The following SKI variants were observed in gnomAD, a reference collection of about 807,000 sequenced individuals.
SKI encodes ski oncogene.
In SKI, 23 loss-of-function variants were observed where a neutral mutation model predicts 59.3. The observed-to-expected ratio is 0.39, with a 90% confidence interval of 0.28 to 0.55. The LOEUF is 0.55. Ranked by LOEUF, SKI falls within the 20% of genes least tolerant of loss-of-function variation. The pLI is 0.67. For synonymous variants in SKI, 673 were observed against 488.6 expected, an observed-to-expected ratio of 1.38 and a Z score of -4.98; for missense variants, 1,017 against 1,038.9, an observed-to-expected ratio of 0.98 and a Z score of 0.29.
intron 1 of SKI, among the ~76,000 whole-genome samples, chr1:2,230,093 G>A (rs1210615635): frequency 2.0e-5 from 3 of 152,216 alleles, no homozygotes; most frequent in African/African-American, 7.2e-5. Flanking sequence ...AGGGAAGTTA[G>A]GTCCAGCTGG....
At chr1:2,305,477 T>C (rs1274871586) in intron 5 of SKI, among the ~76,000 whole-genome samples, 2 of 152,160 alleles carry the variant, frequency 1.3e-5, no homozygotes, top group Non-Finnish European at 2.9e-5. Flanking sequence ...CCCCCGCCAC[T>C]GTTGTCCTTG....
chr1:2,296,925 G>A (rs1480340435), intron 1 of SKI, among the ~76,000 whole-genome samples: 2 of 152,170 alleles, frequency 1.3e-5, no homozygotes, highest in African/African-American at 2.4e-5. Context: ...CACAGAAACA[G>A]TCTTTGCAGC....
chr1:2,280,111 G>A, intron 1 of SKI, among the ~76,000 whole-genome samples: 1 of 151,996 alleles, frequency 6.6e-6, no homozygotes, highest in South Asian at 2.1e-4. Context: ...GCTCATGCCT[G>A]TAATCCCAGC....
intron 1 of SKI, among the ~76,000 whole-genome samples, chr1:2,297,315 G>A (rs777960748): frequency 6.6e-6 from 1 of 152,182 alleles, no homozygotes; most frequent in Non-Finnish European, 1.5e-5. Flanking sequence ...AATAGCAGAC[G>A]GGTTTTCAGC....
chr1:2,305,516 T>TAC (rs1247292722), intron 5 of SKI, among the ~76,000 whole-genome samples: 1 of 152,194 alleles, frequency 6.6e-6, no homozygotes, highest in Non-Finnish European at 1.5e-5. Flanking sequence ...ATTTCCCACA[T>TAC]ACATATTCAT....
At position 2,302,259 on chromosome 1, in the gene SKI, T is replaced by C. The variant is rs116896636; in HGVS notation, c.970-719T>C. ...TCTGGGTGGGCTGGGTCTGGGCACC[T>C]TCGCTAAGCTTCCTCCAGCACCGGG... On this transcript the variant is annotated intron_variant, in intron 1 of 6. Coordinates refer to ENST00000378536, the MANE Select transcript of SKI (RefSeq NM_003036.4). Among the ~76,000 whole-genome samples, 83 of 152,268 alleles carry C rather than the reference T, an allele frequency of 5.5e-4. 1 individual carries two copies. In the East Asian group the frequency reaches 0.016, roughly 29 times the overall value.
intron 1 of SKI, among the ~76,000 whole-genome samples, chr1:2,282,646 G>A (rs748812009): frequency 1.4e-4 from 22 of 152,174 alleles, no homozygotes; most frequent in South Asian, 1.0e-3. Context: ...CCCCAAGCCC[G>A]CTGGCTCCCA....
At position 2,306,832 on chromosome 1, in the gene SKI, G is replaced by T. The variant is rs528789588; in HGVS notation, c.*67G>T. On this transcript the variant is annotated 3_prime_UTR_variant, in exon 7 of 7. Transcript: ENST00000378536. The stretch of plus-strand genomic sequence containing the variant: ...CAGGGGGGCGCGGCTGGGCGGTGCA[G>T]CTCCGCCCGGCTCCGCCCCTGCAGC... 5.8e-6 allele frequency: 6 copies of T among 1,029,274 alleles called. No individual in the cohort carries two copies. The East Asian group carries it at 2.5e-4, about 43-fold the overall frequency. The allele number at this position is 1,029,274 out of a possible 1,614,324, so 63.8% of individuals were successfully genotyped here.
rs1254990952 is a variant in SKI, at chr1:2,228,788, C to G, written c.22C>G (p.Arg8Gly). Reference protein sequence around the residue: MEAAAGGRGCFQPHPGLQ... With the variant: MEAAAGGGGCFQPHPGLQ... ...CACCATGGAGGCGGCGGCAGGCGGCCGCGGCTGTTTCCAGCCGCACCCGGG... is the reference window on the plus strand; with the variant it reads ...CACCATGGAGGCGGCGGCAGGCGGCGGCGGCTGTTTCCAGCCGCACCCGGG... Residue 8 changes from arginine (R) to glycine (G), a missense_variant, in exon 1 of 7, where the codon CGC (arginine) becomes GGC (glycine). Arg to Gly is a moderately radical substitution (Grantham distance 125). Transcript: ENST00000378536. 7.6e-7 allele frequency: 1 copy of G among 1,311,524 alleles called. No individual in the cohort carries two copies. The highest frequency in any genetic ancestry group is 9.8e-7 in the Non-Finnish European group (1 of 1,016,950). The allele number at this position is 1,311,524 out of a possible 1,614,324, so 81.2% of individuals were successfully genotyped here. A position where few individuals can be genotyped will look rare whatever the true frequency, so the allele number is the denominator to read the frequency against.
chr1:2,269,579 G>C lies in SKI; in HGVS notation c.970-33399G>C, dbSNP rs1049561792. Among the ~76,000 whole-genome samples, 8 of 152,264 alleles carry C rather than the reference G, an allele frequency of 5.3e-5. No individual in the cohort carries two copies. Among genetic ancestry groups the C allele is most frequent in the African/African-American group, 1.9e-4 (8 of 41,476 alleles). On this transcript the variant is annotated intron_variant, in intron 1 of 6. Transcript: ENST00000378536. The surrounding 1 kb of genome is among the most constrained non-coding windows in gnomAD (Gnocchi z 4.7). ...ATCAGGTGTGGTGAGGAGCTTTGCT[G>C]CCCTGGAGCGTCGCTTTGTGGGCAG... is the stretch of plus-strand genomic sequence containing the variant.
chr1:2,263,572 TG>T (rs1639432757), intron 1 of SKI, among the ~76,000 whole-genome samples: 1 of 151,798 alleles, frequency 6.6e-6, no homozygotes, highest in Non-Finnish European at 1.5e-5. Context: ...GGGATGTTGG[TG>T]TGTGTTTTTT....
intron 1 of SKI, among the ~76,000 whole-genome samples, chr1:2,290,903 G>A (rs1371799419): frequency 6.6e-6 from 1 of 152,256 alleles, no homozygotes; most frequent in Non-Finnish European, 1.5e-5. Flanking sequence ...CCGCTTCTGT[G>A]TTCCGCATTT....
rs562155284 is a variant in SKI, at chr1:2,251,602, C to T, written c.969+21867C>T. Among the ~76,000 whole-genome samples the T allele has an allele frequency of 1.4e-4, 22 of 152,230 alleles. No individual in the cohort carries two copies. The South Asian group carries it at 4.6e-3, about 32-fold the overall frequency. The stretch of plus-strand genomic sequence containing the variant: ...GCCGCCCTCCTTTCCCTGTAGAGCC[C>T]TCGCCTGTGTAACGGTTACTGCCTC... On this transcript the variant is annotated intron_variant, in intron 1 of 6. Transcript: ENST00000378536.
intron 1 of SKI, among the ~76,000 whole-genome samples, chr1:2,255,447 C>T (rs925607508): frequency 2.0e-5 from 3 of 152,164 alleles, no homozygotes; most frequent in African/African-American, 7.2e-5. Context: ...GTCTGGAGCA[C>T]ACTGTCCTGA....
intron 1 of SKI, among the ~76,000 whole-genome samples, chr1:2,231,000 T>C (rs1003668870): frequency 2.6e-5 from 4 of 152,232 alleles, no homozygotes; most frequent in Admixed American, 1.3e-4. Flanking sequence ...TGTGCGCGCT[T>C]CTGACCCTGC....
intron 1 of SKI, among the ~76,000 whole-genome samples, chr1:2,238,374 A>G (rs1638796211): frequency 6.6e-6 from 1 of 152,194 alleles, no homozygotes; most frequent in African/African-American, 2.4e-5. Flanking sequence ...GCTTCCCTGG[A>G]AGGTCGGCGG....
chr1:2,242,084 G>A (rs1053683652), intron 1 of SKI, among the ~76,000 whole-genome samples: 6 of 152,242 alleles, frequency 3.9e-5, no homozygotes, highest in Non-Finnish European at 8.8e-5. Context: ...AGCAGGCCAG[G>A]AGAGAGCGGA....
intron 1 of SKI, among the ~76,000 whole-genome samples, chr1:2,285,375 C>T (rs1045479198): frequency 3.3e-5 from 5 of 151,700 alleles, no homozygotes; most frequent in South Asian, 2.1e-4. Context: ...ATTAGCTGAG[C>T]GTGGTGGCGG....
intron 1 of SKI, among the ~76,000 whole-genome samples, chr1:2,258,774 C>A (rs1294589245): frequency 6.6e-6 from 1 of 152,074 alleles, no homozygotes; most frequent in Middle Eastern, 3.2e-3. Context: ...ATCTTGAACT[C>A]CTGACCTTGT....
Sources: gnomAD v4.1 joint callset for allele counts (sites outside exome capture counted in the v4.1 genomes callset) on GRCh38, gnomAD v4.1.1 for gene constraint, Gnocchi (gnomAD v3.1) non-coding constraint, MANE v1.5 for transcripts, NCBI Gene and HGNC (gene_info 2026-07-23, HGNC 2026-07-21) for gene names.